Variants in MXI1 observed in about 807,000 individuals in gnomAD.
The protein encoded by MXI1 is max-interacting protein 1.
MXI1 carries 18 observed loss-of-function variants against 36.9 expected under a neutral mutation model. That is an observed-to-expected ratio of 0.49 (90% confidence interval 0.34 to 0.72). The LOEUF is 0.72. Ranked by LOEUF, MXI1 falls within the 30% of genes least tolerant of loss-of-function variation. The pLI is 0.01. For missense variants in MXI1, 304 were observed against 379.1 expected (o/e 0.80, Z 1.64); for synonymous variants, 160 against 146.7 (o/e 1.09, Z -0.65).
intron 3 of MXI1, among the ~76,000 whole-genome samples, chr10:110,259,952 T>C (rs1052927118): frequency 2.6e-5 from 4 of 152,092 alleles, no homozygotes; most frequent in Non-Finnish European, 5.9e-5. Flanking sequence ...CATGACATAG[T>C]GCTTATACTC....
intron 2 of MXI1, among the ~76,000 whole-genome samples, chr10:110,244,289 C>A (rs7916275): frequency 6.6e-6 from 1 of 151,800 alleles, no homozygotes; most frequent in African/African-American, 2.4e-5. Flanking sequence ...AATTTTCTTT[C>A]ATGTATAACT....
intron 1 of MXI1, among the ~76,000 whole-genome samples, chr10:110,211,343 C>T (rs1361337645): frequency 3.9e-5 from 6 of 152,174 alleles, no homozygotes. Flanking sequence ...GGGCCGGAGG[C>T]TGGGTGGGGG....
chr10:110,281,323 A>G (rs373597814), intron 5 of MXI1, among the ~76,000 whole-genome samples: 1 of 152,188 alleles, frequency 6.6e-6, no homozygotes. Flanking sequence ...AAATGTAATT[A>G]TAATGCTATT....
intron 1 of MXI1, among the ~76,000 whole-genome samples, chr10:110,210,471 G>C (rs1854484372): frequency 6.6e-6 from 1 of 151,980 alleles, no homozygotes; most frequent in Admixed American, 6.5e-5. Flanking sequence ...TTGGGGCGCC[G>C]CGCCGTGCCC....
At chr10:110,272,929 G>A (rs1856900109) in intron 3 of MXI1, among the ~76,000 whole-genome samples, 1 of 151,250 alleles carries the variant, frequency 6.6e-6, no homozygotes, top group Admixed American at 6.6e-5. Context: ...CACTTGCCAC[G>A]TTACTACCTG....
At chr10:110,233,117 T>C (rs1275664846) in intron 2 of MXI1, among the ~76,000 whole-genome samples, 3 of 152,184 alleles carry the variant, frequency 2.0e-5, no homozygotes, top group African/African-American at 7.2e-5. Context: ...ATATTTCTTC[T>C]CTTTAGTGTC....
At chr10:110,280,192 G>T in intron 5 of MXI1, 107 bp downstream of exon 5, 2 of 906,384 alleles carry the variant, frequency 2.2e-6, no homozygotes, top group Non-Finnish European at 1.6e-6. Context: ...AGCCAACAGA[G>T]TAACATTGTA....
chr10:110,263,497 A>G (rs1042802846), intron 3 of MXI1, among the ~76,000 whole-genome samples: 9 of 152,110 alleles, frequency 5.9e-5, no homozygotes, highest in Admixed American at 4.6e-4. Context: ...TTTTTTCTGT[A>G]TTTGAATTGG....
intron 5 of MXI1, among the ~76,000 whole-genome samples, chr10:110,280,701 AATG>A (rs2134474463): frequency 6.6e-6 from 1 of 152,108 alleles, no homozygotes; most frequent in South Asian, 2.1e-4. Context: ...AAAGAAAAGA[AATG>A]ATGTTGTGCC....
intron 4 of MXI1, among the ~76,000 whole-genome samples, 192 bp downstream of exon 4, chr10:110,279,486 A>G (rs1434019308): frequency 6.6e-6 from 1 of 152,250 alleles, no homozygotes; most frequent in Non-Finnish European, 1.5e-5. Flanking sequence ...AATTGTTTTG[A>G]CAGCGTGGCC....
intron 1 of MXI1, among the ~76,000 whole-genome samples, chr10:110,216,675 T>TGTTTTGTTTTG (rs1470618100): frequency 1.1e-5 from 1 of 93,686 alleles, no homozygotes; most frequent in Admixed American, 1.1e-4. Flanking sequence ...GTTTTTTTTT[T>TGTTTTGTTTTG]TTTTTTTTTT....
intron 3 of MXI1, among the ~76,000 whole-genome samples, chr10:110,248,219 T>A (rs563973397): frequency 1.3e-5 from 2 of 152,192 alleles, no homozygotes; most frequent in Admixed American, 1.3e-4. Context: ...TGGGGAGGGA[T>A]AGCATTAGGA....
At position 110,282,469 on chromosome 10, in the gene MXI1, G is replaced by A. The variant is rs1857289216; in HGVS notation, c.725-2355G>A. Among the ~76,000 whole-genome samples, 3 of 152,146 alleles carry A rather than the reference G, an allele frequency of 2.0e-5. No homozygotes were observed. In the South Asian group the frequency reaches 6.2e-4, roughly 31 times the overall value. ...CCTGAAGTACATGCTACATTTATCA[G>A]TAACAGTGAAATATAGCAGAAATAA... On this transcript the variant is annotated intron_variant, in intron 5 of 5. Transcript: ENST00000332674.
Position 110,244,875 on chromosome 10 carries a change from T to A in MXI1, c.437+18T>A. Reference sequence around the variant, plus strand: ...AAGAATCGGTGAGTCAGTGATGAGGTACAGCTTTCACTTACGTTTAAAAGC... The same window carrying A: ...AAGAATCGGTGAGTCAGTGATGAGGAACAGCTTTCACTTACGTTTAAAAGC... On this transcript the variant is annotated intron_variant, in intron 3 of 5. Transcript: ENST00000332674. 6.2e-7 allele frequency: 1 copy of A among 1,606,904 alleles called. No homozygotes were observed. The highest frequency in any genetic ancestry group is 8.5e-7 in the Non-Finnish European group (1 of 1,177,242).
Position 110,228,303 on chromosome 10 carries a change from A to G in MXI1, c.389A>G (p.Asn130Ser). 1 of 1,614,178 alleles carries G rather than the reference A, an allele frequency of 6.2e-7. No homozygotes were observed. The change falls in exon 2 of 6, where the codon AAC becomes AGC. Residue 130 changes from asparagine to serine, a missense_variant. Coordinates refer to ENST00000332674, the MANE Select transcript of MXI1 (RefSeq NM_130439.3). ...RAQKHSSGSS[N>S]TSTANRSTHN... ...CAGAAACACAGCAGCGGGAGCAGCA[A>G]CACCAGCACTGCCAACAGGTAGCAA...
chr10:110,261,984 ATATGTG>A (rs1255223541), intron 3 of MXI1, among the ~76,000 whole-genome samples: 5 of 152,148 alleles, frequency 3.3e-5, no homozygotes, highest in Non-Finnish European at 7.4e-5. Flanking sequence ...GTAGATGTGT[ATATGTG>A]TATGTGGAGA....
chr10:110,210,112 A>T (rs1854474104), intron 1 of MXI1: 1 of 273,860 alleles, frequency 3.7e-6, no homozygotes, highest in South Asian at 1.5e-4. Flanking sequence ...CGGCGTGGCC[A>T]CCAGTCACGT....
rs139469924 is a variant in MXI1, at chr10:110,218,631, C to T, written c.275-9558C>T. 5.2e-3 allele frequency among the ~76,000 whole-genome samples: 790 copies of T among 152,184 alleles called. 4 individuals carry two copies. The highest frequency in any genetic ancestry group is 0.018 in the African/African-American group (747 of 41,526). Reference sequence around the variant, plus strand: ...GAGCCAAATGGCTCCTTTCTCTAGACGGAGATGGTCTAGGGTGTCACTGCT... The same window carrying T: ...GAGCCAAATGGCTCCTTTCTCTAGATGGAGATGGTCTAGGGTGTCACTGCT... On this transcript the variant is annotated intron_variant, in intron 1 of 5. Transcript: ENST00000332674.
At chr10:110,274,669 TC>T (rs1856968569) in intron 3 of MXI1, among the ~76,000 whole-genome samples, 2 of 152,296 alleles carry the variant, frequency 1.3e-5, no homozygotes, top group African/African-American at 4.8e-5. Flanking sequence ...CCAGGTTTTT[TC>T]TACTTGCTGT....
Sources: allele counts gnomAD v4.1 joint callset (sites outside exome capture counted in the v4.1 genomes callset), GRCh38; gene constraint gnomAD v4.1.1; transcripts MANE v1.5; gene names NCBI Gene and HGNC (gene_info 2026-07-23, HGNC 2026-07-21).